LRCH3: variants seen among roughly 807,000 people sequenced by gnomAD.
LRCH3 encodes DISP complex protein LRCH3.
LRCH3 carries 68 observed loss-of-function variants against 104.5 expected under a neutral mutation model. The ratio of observed to expected loss-of-function variants is 0.65; its 90% confidence interval spans 0.54 to 0.80. The LOEUF (loss-of-function observed/expected upper bound fraction) is 0.80, where lower values mean the gene tolerates loss of function less well. Among genes scored for constraint, LRCH3 ranks in the 30% least tolerant of loss-of-function variants. The pLI is 0.00. For missense variants in LRCH3, 951 were observed against 953.9 expected (o/e 1.00, Z 0.04); for synonymous variants, 344 against 361.3 (o/e 0.95, Z 0.54).
intron 12 of LRCH3, 85 bp from the exon 13 acceptor site, chr3:197,852,476 A>G: frequency 1.6e-6 from 2 of 1,249,372 alleles, no homozygotes; most frequent in Non-Finnish European, 2.3e-6. Context: ...AATTTGAGTG[A>G]TTATTTTAGT....
chr3:197,881,222 G>C (rs971450945), intron 20 of LRCH3: 1 of 1,000,248 alleles, frequency 1.0e-6, no homozygotes, highest in Non-Finnish European at 1.2e-6. Context: ...GCTTTGAACT[G>C]TGTCCTGAGA....
intron 10 of LRCH3, among the ~76,000 whole-genome samples, chr3:197,845,066 A>T (rs895733556): frequency 6.6e-6 from 1 of 152,216 alleles, no homozygotes; most frequent in Non-Finnish European, 1.5e-5. Flanking sequence ...TGCAAAATAC[A>T]GTAATGAGAT....
At chr3:197,855,064 A>G (rs1029209975) in intron 14 of LRCH3, among the ~76,000 whole-genome samples, 1 of 152,058 alleles carries the variant, frequency 6.6e-6, no homozygotes, top group Non-Finnish European at 1.5e-5. Context: ...AAGAATTCTA[A>G]CCATTTCTAG....
rs1344362094 is a variant in LRCH3, at chr3:197,839,411, A to G, written c.1328+14A>G. 1.4e-6 allele frequency: 2 copies of G among 1,479,764 alleles called. No homozygotes were observed. The highest frequency in any genetic ancestry group is 1.4e-5 in the African/African-American group (1 of 70,612). 91.7% of individuals were successfully genotyped at this position (1,479,764 alleles called of 1,614,324 possible). A position where few individuals can be genotyped will look rare whatever the true frequency, so the allele number is the denominator to read the frequency against. ...ACATCAAAACAGGTTTGAAAAACCA[A>G]TTCTACTTAATTTGTTTCTGTCTTA... On this transcript the variant is annotated intron_variant, in intron 10 of 20. Transcript: ENST00000425562.
chr3:197,831,100 A>C (rs1373274284), intron 7 of LRCH3: 1 of 381,674 alleles, frequency 2.6e-6, no homozygotes, highest in Non-Finnish European at 4.9e-6. Context: ...GTTTCATATC[A>C]TAGAAAGGCA....
chr3:197,852,019 T>G (rs1252630080), intron 12 of LRCH3, among the ~76,000 whole-genome samples: 1 of 152,200 alleles, frequency 6.6e-6, no homozygotes, highest in Non-Finnish European at 1.5e-5. Context: ...ATGATGATAT[T>G]TTATCTCACA....
At chr3:197,825,122 T>C (rs552091463) in intron 4 of LRCH3, among the ~76,000 whole-genome samples, 1 of 152,336 alleles carries the variant, frequency 6.6e-6, no homozygotes, top group African/African-American at 2.4e-5. Flanking sequence ...CACTTTCCAC[T>C]TTCAGTGTTT....
chr3:197,833,245 C>T (rs778186196), intron 8 of LRCH3, among the ~76,000 whole-genome samples: 3 of 151,450 alleles, frequency 2.0e-5, no homozygotes, highest in East Asian at 2.0e-4. Flanking sequence ...TTAGGCTGGG[C>T]GTGGTGGCTC....
At chr3:197,804,649 A>G (rs972027520) in intron 1 of LRCH3, among the ~76,000 whole-genome samples, 1 of 152,190 alleles carries the variant, frequency 6.6e-6, no homozygotes, top group African/African-American at 2.4e-5. Context: ...TACTTTTAAA[A>G]GACTGTTACT....
chr3:197,880,787 T>G, intron 20 of LRCH3: 1 of 1,529,486 alleles, frequency 6.5e-7, no homozygotes, highest in East Asian at 2.5e-5. Flanking sequence ...CATCCAGAAT[T>G]ATTTACATAA....
At chr3:197,792,558 C>T (rs1402588623) in intron 1 of LRCH3, among the ~76,000 whole-genome samples, 2 of 48,432 alleles carry the variant, frequency 4.1e-5, no homozygotes, top group Non-Finnish European at 9.5e-5. Context: ...CAGGCAGCCG[C>T]CACCACGCCC....
At position 197,797,883 on chromosome 3, in the gene LRCH3, C is replaced by CA. The variant is rs1283044363; in HGVS notation, c.262+6354dup. 3.0e-3 allele frequency among the ~76,000 whole-genome samples: 247 copies of CA among 83,332 alleles called. 3 individuals carry two copies. Among genetic ancestry groups the CA allele is most frequent in the African/African-American group, 8.8e-3 (210 of 23,964 alleles). The allele number at this position is 83,332 out of a possible 152,430, so 54.7% of individuals were successfully genotyped here. A position where few individuals can be genotyped will look rare whatever the true frequency, so the allele number is the denominator to read the frequency against. The stretch of plus-strand genomic sequence containing the variant: ...TCAAAAAAAAAAAAAACAAAAAAAA[C>CA]AAAAAAAAAAACAAAACCAGAAAAA... On this transcript the variant is annotated intron_variant, in intron 1 of 20. Transcript: ENST00000425562.
chr3:197,797,436 G>T (rs1386588959), intron 1 of LRCH3, among the ~76,000 whole-genome samples: 1 of 151,686 alleles, frequency 6.6e-6, no homozygotes, highest in Non-Finnish European at 1.5e-5. Context: ...AGGACGTAGA[G>T]AATGGAAAAG....
chr3:197,811,611 A>G (rs1733131612), intron 1 of LRCH3, among the ~76,000 whole-genome samples: 1 of 152,228 alleles, frequency 6.6e-6, no homozygotes, highest in Non-Finnish European at 1.5e-5. Flanking sequence ...AATAAATGCC[A>G]TACTGTTGAA....
At chr3:197,816,199 G>A (rs1733777721) in intron 2 of LRCH3, among the ~76,000 whole-genome samples, 1 of 152,104 alleles carries the variant, frequency 6.6e-6, no homozygotes, top group Non-Finnish European at 1.5e-5. Flanking sequence ...AATGGGGAGG[G>A]AATTGGTCCT....
intron 1 of LRCH3, among the ~76,000 whole-genome samples, chr3:197,800,712 A>G (rs1731785486): frequency 6.6e-6 from 1 of 152,230 alleles, no homozygotes; most frequent in African/African-American, 2.4e-5. Context: ...GATATATAGT[A>G]TGATAAGACT....
chr3:197,879,563 G>A (rs547337435), intron 20 of LRCH3, among the ~76,000 whole-genome samples: 182 of 151,974 alleles, frequency 1.2e-3, no homozygotes, highest in Non-Finnish European at 2.0e-3. Context: ...GGAGAATGGC[G>A]GGAACCCGGG....
intron 1 of LRCH3, among the ~76,000 whole-genome samples, chr3:197,813,299 C>CAACAGTGACTTTATGATT (rs147447775): frequency 0.026 from 4,007 of 151,910 alleles, 81 homozygotes; most frequent in East Asian, 0.054. Flanking sequence ...TAGTCATTCC[C>CAACAGTGACTTTATGATT]AAAAAGAGAA....
intron 1 of LRCH3, among the ~76,000 whole-genome samples, chr3:197,805,694 A>G (rs1481203756): frequency 4.0e-5 from 6 of 150,790 alleles, no homozygotes; most frequent in African/African-American, 1.5e-4. Flanking sequence ...TGAAAACCTA[A>G]TGACAGCCGA....
Sources: allele counts gnomAD v4.1 joint callset (sites outside exome capture counted in the v4.1 genomes callset), GRCh38; gene constraint gnomAD v4.1.1; transcripts MANE v1.5; gene names NCBI Gene and HGNC (gene_info 2026-07-23, HGNC 2026-07-21).